The following MYO3B variants were observed in gnomAD, a reference collection of about 807,000 sequenced individuals.
The protein encoded by MYO3B is myosin IIIB.
A neutral mutation model predicts 174.6 loss-of-function variants in MYO3B; 156 were observed. That is an observed-to-expected ratio of 0.89 (90% CI 0.78 to 1.02). The LOEUF (loss-of-function observed/expected upper bound fraction) is 1.02, where lower values mean the gene tolerates loss of function less well. MYO3B is among the 50% of genes least tolerant of loss of function. MYO3B has a pLI of 0.00. For synonymous variants in MYO3B, 563 were observed against 569.1 expected, an observed-to-expected ratio of 0.99 and a Z score of 0.15; for missense variants, 1,632 against 1,639.4, an observed-to-expected ratio of 1.00 and a Z score of 0.08.
At chr2:170,414,274 A>G (rs1268301397) in intron 22 of MYO3B, among the ~76,000 whole-genome samples, 2 of 151,846 alleles carry the variant, frequency 1.3e-5, no homozygotes, top group South Asian at 2.1e-4. Context: ...TGAAACATCC[A>G]TCTCCCAGGT....
chr2:170,315,400 G>C (rs2093768509), intron 7 of MYO3B, among the ~76,000 whole-genome samples: 1 of 151,900 alleles, frequency 6.6e-6, no homozygotes, highest in South Asian at 2.1e-4. Context: ...TCCGCCTCCA[G>C]GTTCAAGTGA....
intron 16 of MYO3B, among the ~76,000 whole-genome samples, chr2:170,394,403 A>T (rs1217963485): frequency 6.6e-6 from 1 of 152,208 alleles, no homozygotes; most frequent in Non-Finnish European, 1.5e-5. Context: ...AAACTGTTAA[A>T]ATCTGTTTTA....
intron 32 of MYO3B, among the ~76,000 whole-genome samples, chr2:170,646,103 C>G (rs1698348913): frequency 6.6e-6 from 1 of 151,968 alleles, no homozygotes; most frequent in African/African-American, 2.4e-5. Flanking sequence ...GAAACCCCAT[C>G]TCTACTAAAA....
intron 32 of MYO3B, among the ~76,000 whole-genome samples, chr2:170,647,618 G>C (rs1698484104): frequency 6.6e-6 from 1 of 152,134 alleles, no homozygotes; most frequent in Non-Finnish European, 1.5e-5. Context: ...TGCTAAATCA[G>C]ATAACTAGCT....
chr2:170,513,308 A>C (rs573955601), intron 28 of MYO3B, among the ~76,000 whole-genome samples: 3 of 152,344 alleles, frequency 2.0e-5, no homozygotes, highest in Non-Finnish European at 4.4e-5. Flanking sequence ...TCAAGGTGTC[A>C]GCAACATTGG....
chr2:170,469,711 C>T (rs575641373), intron 25 of MYO3B, among the ~76,000 whole-genome samples: 139 of 152,318 alleles, frequency 9.1e-4, no homozygotes, highest in African/African-American at 3.1e-3. Flanking sequence ...CCTTGGGAAT[C>T]TCTCATCCCT....
At chr2:170,575,365 A>C (rs558555730) in intron 32 of MYO3B, among the ~76,000 whole-genome samples, 6 of 152,184 alleles carry the variant, frequency 3.9e-5, no homozygotes, top group Non-Finnish European at 7.4e-5. Flanking sequence ...GAAAGAAACC[A>C]GAGAGTCAAT....
intron 32 of MYO3B, among the ~76,000 whole-genome samples, chr2:170,623,829 G>C (rs188061879): frequency 7.8e-4 from 118 of 152,240 alleles, no homozygotes; most frequent in Middle Eastern, 3.4e-3. Flanking sequence ...GTTAAATAGG[G>C]AATCCTTTTC....
At chr2:170,238,512 A>G (rs967095333) in intron 7 of MYO3B, among the ~76,000 whole-genome samples, 1 of 152,216 alleles carries the variant, frequency 6.6e-6, no homozygotes, top group Middle Eastern at 3.2e-3. Flanking sequence ...TTGTCAGTGA[A>G]ACAATGAAAT....
chr2:170,539,332 A>G (rs1689930900), intron 30 of MYO3B, among the ~76,000 whole-genome samples: 1 of 152,218 alleles, frequency 6.6e-6, no homozygotes. Flanking sequence ...ATCCGATTTA[A>G]GTTACATGTT....
chr2:170,338,743 C>G lies in MYO3B; in HGVS notation c.815+3293C>G, dbSNP rs1343499486. Reference sequence around the variant, plus strand: ...TCAGCCTCCCAAGTAGCTGGAATTACAGGTGTGTGCCACCAGGACCAGCTA... The same window carrying G: ...TCAGCCTCCCAAGTAGCTGGAATTAGAGGTGTGTGCCACCAGGACCAGCTA... On this transcript the variant is annotated intron_variant, in intron 8 of 34. Transcript: ENST00000408978. Among the ~76,000 whole-genome samples the G allele has an allele frequency of 2.6e-5, 4 of 152,236 alleles. No homozygotes were observed. The South Asian group carries it at 6.2e-4, about 24-fold the overall frequency.
intron 32 of MYO3B, among the ~76,000 whole-genome samples, chr2:170,556,622 A>G (rs1202187044): frequency 6.6e-6 from 1 of 152,118 alleles, no homozygotes; most frequent in Non-Finnish European, 1.5e-5. Flanking sequence ...CCCGGACTCA[A>G]GTGATTCTCC....
chr2:170,507,409 C>CT (rs1246983338), intron 28 of MYO3B, among the ~76,000 whole-genome samples: 2 of 151,296 alleles, frequency 1.3e-5, no homozygotes, highest in African/African-American at 4.9e-5. Context: ...TTTTCTTTTT[C>CT]TTTTTTTTGA....
intron 8 of MYO3B, among the ~76,000 whole-genome samples, chr2:170,365,217 C>A (rs2094189752): frequency 6.6e-6 from 1 of 152,162 alleles, no homozygotes; most frequent in African/African-American, 2.4e-5. Flanking sequence ...GAGGAATTGA[C>A]CTCATCATTG....
At chr2:170,618,767 G>T (rs541318627) in intron 32 of MYO3B, among the ~76,000 whole-genome samples, 1 of 152,124 alleles carries the variant, frequency 6.6e-6, no homozygotes, top group Non-Finnish European at 1.5e-5. Context: ...TGATTATGAG[G>T]TGAGATGGTC....
chr2:170,622,035 A>G (rs529882257), intron 32 of MYO3B, among the ~76,000 whole-genome samples: 3 of 152,292 alleles, frequency 2.0e-5, no homozygotes, highest in African/African-American at 7.2e-5. Flanking sequence ...CCTTCATTTC[A>G]AAAGCCAAAA....
In MYO3B at chr2:170,483,538, T is replaced by C. The variant is rs933738139; in HGVS notation, c.3015-15054T>C. ...AATAGCTGGGACTACAGGCGCCCGC[T>C]ACCACGCCCGGCTAATTTTTTGTAT... On this transcript the variant is annotated intron_variant, in intron 25 of 34. Transcript: ENST00000408978. Among the ~76,000 whole-genome samples the C allele has an allele frequency of 2.0e-4, 27 of 131,906 alleles. 3 individuals carry two copies. Among genetic ancestry groups the C allele is most frequent in the Non-Finnish European group, 3.3e-4 (22 of 66,338 alleles). The allele number at this position is 131,906 out of a possible 152,430, so 86.5% of individuals were successfully genotyped here.
At chr2:170,272,487 A>G (rs1203571227) in intron 7 of MYO3B, among the ~76,000 whole-genome samples, 2 of 152,200 alleles carry the variant, frequency 1.3e-5, no homozygotes, top group African/African-American at 4.8e-5. Flanking sequence ...AACACTCTAA[A>G]GGGAGCCCAA....
At chr2:170,393,609 G>C (rs1335232496) in intron 16 of MYO3B, among the ~76,000 whole-genome samples, 5 of 152,134 alleles carry the variant, frequency 3.3e-5, no homozygotes, top group Non-Finnish European at 7.3e-5. Context: ...TAAATCTTAA[G>C]GGATTAGATT....
Sources: gnomAD v4.1 joint callset for allele counts (sites outside exome capture counted in the v4.1 genomes callset) on GRCh38, gnomAD v4.1.1 for gene constraint, MANE v1.5 for transcripts, NCBI Gene and HGNC (gene_info 2026-07-23, HGNC 2026-07-21) for gene names.